The following NDC80 variants were observed in gnomAD, a reference collection of about 807,000 sequenced individuals.
The protein encoded by NDC80 is kinetochore protein NDC80 homolog.
A neutral mutation model predicts 89.3 loss-of-function variants in NDC80; 69 were observed. The ratio of observed to expected loss-of-function variants is 0.77; its 90% CI spans 0.64 to 0.94. The LOEUF is 0.94. NDC80 is among the 40% of genes least tolerant of loss of function. The probability of loss-of-function intolerance (pLI) is 0.00; values close to 1 mark genes in which losing one functional copy is unlikely to be tolerated. For missense variants in NDC80, 593 were observed against 739.6 expected (o/e 0.80, Z 2.30); for synonymous variants, 243 against 255.6 (o/e 0.95, Z 0.47).
intron 14 of NDC80, 121 bp downstream of exon 14, chr18:2,606,628 C>A: frequency 2.0e-6 from 1 of 511,196 alleles, no homozygotes; most frequent in Non-Finnish European, 3.2e-6. Flanking sequence ...TAATTTGTAT[C>A]TTGGGTTAGT....
intron 3 of NDC80, among the ~76,000 whole-genome samples, chr18:2,576,129 A>T (rs944241985): frequency 2.0e-5 from 3 of 152,204 alleles, no homozygotes; most frequent in Non-Finnish European, 4.4e-5. Context: ...AGGAAACATT[A>T]TCTAGTCCAA....
intron 16 of NDC80, among the ~76,000 whole-genome samples, chr18:2,613,585 A>G (rs2072756417): frequency 6.6e-6 from 1 of 152,236 alleles, no homozygotes; most frequent in South Asian, 2.1e-4. Context: ...CTACACAGAA[A>G]TCAGTTCCAG....
At chr18:2,614,774 T>C (rs2072775864) in intron 16 of NDC80, among the ~76,000 whole-genome samples, 1 of 152,170 alleles carries the variant, frequency 6.6e-6, no homozygotes, top group Non-Finnish European at 1.5e-5. Flanking sequence ...GCAAAAGTCA[T>C]GTCTATCCTA....
rs530483143 is a variant in NDC80 at position 2,596,471 on chromosome 18, A to G, written c.1221+850A>G. ...CAGAGAAATGCAAATCAAAACCACA[A>G]TGAGATACCATCTCACACCAGTTAG... On this transcript the variant is annotated intron_variant, in intron 11 of 16. Coordinates refer to ENST00000261597, the MANE Select transcript of NDC80 (RefSeq NM_006101.3). Among the ~76,000 whole-genome samples, 14 of 151,274 alleles carry G rather than the reference A, an allele frequency of 9.3e-5. No homozygotes were observed. The South Asian group carries it at 2.3e-3, about 25-fold the overall frequency.
chr18:2,610,832 A>G lies in NDC80; in HGVS notation c.1762A>G (p.Met588Val). The change falls in exon 16 of 17, where the codon ATG (methionine) becomes GTG (valine). Residue 588 changes from methionine to valine, a missense_variant. By Grantham distance (21) the Met-to-Val change is conservative (BLOSUM62 1). Transcript: ENST00000261597. ...VGNNLQRLLE[M>V]VATHVGSVEK... Reference sequence around the variant, plus strand: ...AAATAACTTGCAACGTCTGTTAGAGATGGTTGCTACACATGTTGGGTCTGT... The same window carrying G: ...AAATAACTTGCAACGTCTGTTAGAGGTGGTTGCTACACATGTTGGGTCTGT... 1 of 1,588,850 alleles carries G rather than the reference A, an allele frequency of 6.3e-7. No homozygotes were observed. Among genetic ancestry groups the G allele is most frequent in the Non-Finnish European group, 8.6e-7 (1 of 1,162,250 alleles).
chr18:2,607,858 G>A (rs1341510808), intron 14 of NDC80, among the ~76,000 whole-genome samples: 3 of 147,968 alleles, frequency 2.0e-5, no homozygotes, highest in Non-Finnish European at 3.0e-5. Context: ...ATTATACATA[G>A]TTTTTCATAA....
chr18:2,584,287 CA>C (rs11297697), intron 6 of NDC80, among the ~76,000 whole-genome samples: 9,336 of 98,314 alleles, frequency 0.095, 686 homozygotes, highest in African/African-American at 0.27. Context: ...GACTCCGTCT[CA>C]AAAAAAAAAA....
intron 16 of NDC80, among the ~76,000 whole-genome samples, chr18:2,611,964 CT>C (rs2072746699): frequency 6.6e-6 from 1 of 151,824 alleles, no homozygotes; most frequent in Admixed American, 6.6e-5. Flanking sequence ...TACCCACTTT[CT>C]AATTCAAGCA....
rs2072728272 is a variant in NDC80, at chr18:2,608,811, T to A, written c.1669T>A (p.Leu557Ile). The part of the protein sequence containing the change: ...NQGLSEAMNE[L>I]DAVQREYQLV... ...GGGGCTCAGTGAAGCTATGAATGAA[T>A]TAGATGCTGTTCAGCGGGAGTAAGT... is the stretch of plus-strand genomic sequence containing the variant. The change falls in exon 15 of 17, where the codon TTA becomes ATA. Residue 557 changes from leucine (L) to isoleucine (I), a missense_variant. By Grantham distance (5) the Leu-to-Ile change is conservative. Coordinates refer to ENST00000261597, the MANE Select transcript of NDC80 (RefSeq NM_006101.3). 1 of 1,610,760 alleles carries A rather than the reference T, an allele frequency of 6.2e-7. No homozygotes were observed. Among genetic ancestry groups the A allele is most frequent in the African/African-American group, 1.3e-5 (1 of 74,894 alleles).
chr18:2,607,256 C>G (rs987334605), intron 14 of NDC80, among the ~76,000 whole-genome samples: 1 of 151,944 alleles, frequency 6.6e-6, no homozygotes, highest in Non-Finnish European at 1.5e-5. Flanking sequence ...TTTCACACAT[C>G]CTCCATGACA....
chr18:2,577,711 T>C (rs1353922301), intron 3 of NDC80, 35 bp from the exon 4 acceptor site: 3 of 1,604,750 alleles, frequency 1.9e-6, no homozygotes, highest in Non-Finnish European at 1.7e-6. Flanking sequence ...CAGAAGCAAA[T>C]AGTTTTAACT....
At chr18:2,608,067 A>C (rs2072724636) in intron 14 of NDC80, among the ~76,000 whole-genome samples, 1 of 144,514 alleles carries the variant, frequency 6.9e-6, no homozygotes, top group Admixed American at 7.0e-5. Context: ...GTTGCTGTGA[A>C]TATCTTTGTA....
chr18:2,593,784 C>G, intron 10 of NDC80: 1 of 245,818 alleles, frequency 4.1e-6, no homozygotes, highest in Non-Finnish European at 8.2e-6. Context: ...GGATTTCCTA[C>G]AATCCACTTA....
chr18:2,578,232 A>G, intron 5 of NDC80, 91 bp downstream of exon 5: 5 of 1,300,094 alleles, frequency 3.8e-6, no homozygotes, highest in Non-Finnish European at 5.3e-6. Context: ...AGTTACAGAA[A>G]TAATATGTTT....
intron 16 of NDC80, chr18:2,614,489 AAGG>A: frequency 5.5e-4 from 1 of 1,822 alleles, no homozygotes; most frequent in Non-Finnish European, 9.3e-4. Flanking sequence ...GAAAGGAAGG[AAGG>A]AAGGAAGGAA....
intron 6 of NDC80, chr18:2,582,459 T>A (rs558712303): frequency 1.3e-5 from 2 of 152,366 alleles, no homozygotes; most frequent in South Asian, 2.1e-4. Flanking sequence ...TCTCTTTTTT[T>A]AATTCTATTT....
At chr18:2,580,659 A>G (rs1342048982) in intron 6 of NDC80, among the ~76,000 whole-genome samples, 1 of 141,254 alleles carries the variant, frequency 7.1e-6, no homozygotes, top group African/African-American at 2.6e-5. Flanking sequence ...TATAACATTT[A>G]TGCATTCAAT....
At chr18:2,584,085 C>T (rs1017907907) in intron 6 of NDC80, among the ~76,000 whole-genome samples, 5 of 151,844 alleles carry the variant, frequency 3.3e-5, no homozygotes, top group African/African-American at 4.8e-5. Context: ...GTCAGGAGTT[C>T]GAGACCAGCC....
At chr18:2,593,057 T>TC (rs1491312738) in intron 10 of NDC80, among the ~76,000 whole-genome samples, 2,343 of 69,024 alleles carry the variant, frequency 0.034, 40 homozygotes, top group African/African-American at 0.16. Flanking sequence ...TGTGTGTGTC[T>TC]TTTTTTTTTT....
Sources: allele counts gnomAD v4.1 joint callset (sites outside exome capture counted in the v4.1 genomes callset), GRCh38; gene constraint gnomAD v4.1.1; transcripts MANE v1.5; gene names NCBI Gene and HGNC (gene_info 2026-07-23, HGNC 2026-07-21).